The following DSP variants were observed in gnomAD, a reference collection of about 807,000 sequenced individuals.
DSP encodes the protein 250/210 kDa paraneoplastic pemphigus antigen.
A neutral mutation model predicts 290.6 loss-of-function variants in DSP; 114 were observed. That is an observed-to-expected ratio of 0.39 (90% CI 0.34 to 0.46). The LOEUF (loss-of-function observed/expected upper bound fraction) is 0.46, where lower values mean the gene tolerates loss of function less well. Ranked by LOEUF, DSP falls within the 20% of genes least tolerant of loss-of-function variation. DSP has a pLI of 0.99. For missense variants in DSP, 3,230 were observed against 3,495.8 expected, an observed-to-expected ratio of 0.92 and a Z score of 1.92; for synonymous variants, 1,311 against 1,316.4, an observed-to-expected ratio of 1.00 and a Z score of 0.09.
At chr6:7,546,227 G>A (rs1172288589) in intron 1 of DSP, among the ~76,000 whole-genome samples, 2 of 152,186 alleles carry the variant, frequency 1.3e-5, no homozygotes, top group Non-Finnish European at 2.9e-5. Flanking sequence ...CTAAGAATTG[G>A]ATGCGAGAGA....
At position 7,585,407 on chromosome 6, in the gene DSP, A is replaced by C. The variant is rs1383711209; in HGVS notation, c.8145A>C (p.Glu2715Asp). Reference protein sequence around the residue: ...KKMSAAEAVKEKWLPYEAGQR... With the variant: ...KKMSAAEAVKDKWLPYEAGQR... ...TGTCAGCAGCAGAGGCAGTGAAAGA[A>C]AAATGGCTCCCGTATGAGGCTGGCC... Residue 2715 changes from glutamate to aspartate, a missense_variant, in exon 24 of 24, where the codon GAA becomes GAC. Around this residue, in one of 5 missense-constraint regions of DSP, gnomAD observed 582 missense variants for 555.4 expected, o/e 1.05. Transcript: ENST00000379802. 6.2e-7 allele frequency: 1 copy of C among 1,614,168 alleles called. No individual in the cohort carries two copies. Among genetic ancestry groups the C allele is most frequent in the East Asian group, 2.2e-5 (1 of 44,874 alleles).
chr6:7,580,845 A>C lies in DSP; in HGVS notation c.4655A>C (p.Lys1552Thr). 1 of 1,614,184 alleles carries C rather than the reference A, an allele frequency of 6.2e-7. No homozygotes were observed. The change falls in exon 23 of 24, where the codon AAG (lysine) becomes ACG (threonine). Residue 1552 changes from lysine to threonine, a missense_variant. By Grantham distance (78) the Lys-to-Thr change is moderately conservative. Coordinates refer to ENST00000379802, the MANE Select transcript of DSP (RefSeq NM_004415.4). The surrounding 1 kb of genome is among the most constrained non-coding windows in gnomAD (Gnocchi z 4.2). ...AGGGTTTCCCAGGAGAGGACTGTGA[A>C]GGACCAGGATATCACGCGGTTCCAG... ...YERVSQERTV[K>T]DQDITRFQNS...
intron 1 of DSP, among the ~76,000 whole-genome samples, chr6:7,542,863 G>T (rs1758045926): frequency 6.6e-6 from 1 of 150,456 alleles, no homozygotes; most frequent in South Asian, 2.1e-4. Flanking sequence ...AACACCGGAT[G>T]AAAGACCCCA....
intron 1 of DSP, among the ~76,000 whole-genome samples, chr6:7,548,999 G>A (rs894668339): frequency 6.6e-6 from 1 of 152,176 alleles, no homozygotes; most frequent in Non-Finnish European, 1.5e-5. Context: ...GGAGCAGGTA[G>A]CCAGGTGTGT....
Position 7,567,359 on chromosome 6 carries a change from T to C in DSP, c.1050T>C (p.Tyr350=). 6.2e-7 allele frequency: 1 copy of C among 1,613,924 alleles called. No homozygotes were observed. Among genetic ancestry groups the C allele is most frequent in the Non-Finnish European group, 8.5e-7 (1 of 1,179,896 alleles). ...CTGACATTTTCTTGTTTCAGGCCTA[T>C]ATGGACACTCTGCAGACGCAGTGGA... The part of the protein sequence containing the change: ...QHPASDKIEA[Y]MDTLQTQWSW... The change falls in exon 9 of 24, where the codon TAT becomes TAC. Residue 350 remains tyrosine (Y), a synonymous_variant. Transcript: ENST00000379802.
rs575500518 is a variant in DSP at position 7,553,380 on chromosome 6, G to C, written c.171-2338G>C. ...TCTTTCATTTATCTGCTTGGGACTG[G>C]CATTCTTTGTGGGAATCACCTTCGG... is the stretch of plus-strand genomic sequence containing the variant. On this transcript the variant is annotated intron_variant, in intron 1 of 23. Coordinates refer to ENST00000379802, the MANE Select transcript of DSP (RefSeq NM_004415.4). Among the ~76,000 whole-genome samples, 24 of 152,282 alleles carry C rather than the reference G, an allele frequency of 1.6e-4. No individual in the cohort carries two copies. In the South Asian group the frequency reaches 5.0e-3, roughly 32 times the overall value.
At chr6:7,568,380 C>T (rs1758926098) in intron 10 of DSP, 57 bp from the exon 11 acceptor site, 2 of 1,591,306 alleles carry the variant, frequency 1.3e-6, no homozygotes, top group South Asian at 1.1e-5. Context: ...GGTTGAAAAT[C>T]TCCTCTAAAA....
At chr6:7,552,911 G>T (rs1474526486) in intron 1 of DSP, among the ~76,000 whole-genome samples, 1 of 152,178 alleles carries the variant, frequency 6.6e-6, no homozygotes, top group African/African-American at 2.4e-5. Context: ...TGGGTAAAAA[G>T]AAGTTGGCAA....
rs1759492981 is a variant in DSP, at chr6:7,582,961, A to G, written c.5699A>G (p.Glu1900Gly). 4 of 1,614,098 alleles carry G rather than the reference A, an allele frequency of 2.5e-6. No individual in the cohort carries two copies. The highest frequency in any genetic ancestry group is 2.5e-6 in the Non-Finnish European group (3 of 1,180,030). The change falls in exon 24 of 24, where the codon GAA (glutamate) becomes GGA (glycine). Residue 1900 changes from glutamate (E) to glycine (G), a missense_variant. This residue lies in a region of DSP where 1,714 missense variants were observed against 1,844.5 expected (regional missense o/e 0.93). Transcript: ENST00000379802. The surrounding 1 kb of genome is among the most constrained non-coding windows in gnomAD (Gnocchi z 4.2). ...AAGAACAGTCTTAGGAGTGAGATCG[A>G]AAGACTCCAAGCAGAGATCAAGAGA... Reference protein sequence around the residue: ...REKNSLRSEIERLQAEIKRIE... With the variant: ...REKNSLRSEIGRLQAEIKRIE...
Position 7,571,966 on chromosome 6 carries a change from C to G in DSP, c.2028C>G (p.Arg676=). The change falls in exon 15 of 24, where the codon CGC becomes CGG. Residue 676 remains arginine (R), a synonymous_variant. Transcript: ENST00000379802. ...TGCTGATGGAGCTGCAGAAGATTCG[C>G]AGGCAGATAGAGCACTGCGAGGGCA... ...TWMLMELQKI[R]RQIEHCEGRM... 1 of 1,614,170 alleles carries G rather than the reference C, an allele frequency of 6.2e-7. No individual in the cohort carries two copies. Among genetic ancestry groups the G allele is most frequent in the African/African-American group, 1.3e-5 (1 of 75,036 alleles).
rs199818953 is a variant in DSP, at chr6:7,580,591, A to G, written c.4401A>G (p.Gln1467=). The G allele has an allele frequency of 3.5e-5, 57 of 1,614,124 alleles. 1 individual carries two copies. In the East Asian group the frequency reaches 1.0e-3, roughly 28 times the overall value. ...CAGAGGAGAGCGTAAGATATAAGCA[A>G]TCTCTTGATGATGCTGCCAAAACCA... The part of the protein sequence containing the change: ...MRTEESVRYK[Q]SLDDAAKTIQ... Residue 1467 remains glutamine (Q), a synonymous_variant, in exon 23 of 24, where the codon CAA becomes CAG. Transcript: ENST00000379802. The surrounding 1 kb of genome is among the most constrained non-coding windows in gnomAD (Gnocchi z 4.2).
chr6:7,580,434 C>T lies in DSP; in HGVS notation c.4244C>T (p.Thr1415Ile). 1 of 1,613,988 alleles carries T rather than the reference C, an allele frequency of 6.2e-7. No individual in the cohort carries two copies. Among genetic ancestry groups the T allele is most frequent in the Non-Finnish European group, 8.5e-7 (1 of 1,180,012 alleles). The change falls in exon 23 of 24, where the codon ACT (threonine) becomes ATT (isoleucine). Residue 1415 changes from threonine (T) to isoleucine (I), a missense_variant. Physicochemically the swap from Thr to Ile is moderately conservative, Grantham distance 89 (BLOSUM62 -1). This residue lies in a region of DSP where 1,714 missense variants were observed against 1,844.5 expected (regional missense o/e 0.93). Transcript: ENST00000379802. This position sits in a 1 kb window ranked among gnomAD's most constrained non-coding sequence, Gnocchi z 4.2. ...LSEEIKRLKN[T>I]LTQTTENLRR... ...GAAGAAATAAAGAGGCTGAAGAACA[C>T]TCTAACCCAGACCACAGAGAATCTC...
chr6:7,583,269 G>A lies in DSP; in HGVS notation c.6007G>A (p.Glu2003Lys). 1 of 1,614,246 alleles carries A rather than the reference G, an allele frequency of 6.2e-7. No individual in the cohort carries two copies. Residue 2003 changes from glutamate to lysine, a missense_variant, in exon 24 of 24, where the codon GAA becomes AAA. Glu to Lys is a moderately conservative substitution (Grantham distance 56). This residue lies in a region of DSP where 1,714 missense variants were observed against 1,844.5 expected (regional missense o/e 0.93). Transcript: ENST00000379802. This position sits in a 1 kb window ranked among gnomAD's most constrained non-coding sequence, Gnocchi z 4.0. ...ATTGAAGGGGAAGAAGTCAGTGGAA[G>A]AAGTTGCTTCTGAAATCCAGCCATT... Reference protein sequence around the residue: ...KLLKGKKSVEEVASEIQPFLR... With the variant: ...KLLKGKKSVEKVASEIQPFLR...
At chr6:7,543,506 A>C (rs1487614670) in intron 1 of DSP, among the ~76,000 whole-genome samples, 2 of 151,158 alleles carry the variant, frequency 1.3e-5, no homozygotes, top group Non-Finnish European at 2.9e-5. Flanking sequence ...GCCAAGCAAT[A>C]GAAGGAATGA....
chr6:7,565,907 C>A lies in DSP; in HGVS notation c.939+387C>A. On this transcript the variant is annotated intron_variant, in intron 7 of 23. Transcript: ENST00000379802. This position sits in a 1 kb window ranked among gnomAD's most constrained non-coding sequence, Gnocchi z 4.2. ...GGCTTAATCGTGGGTGATGAAATAA[C>A]CTGTACAACAAATCCCTGTGATACA... The A allele has an allele frequency of 2.9e-6, 1 of 344,064 alleles. No homozygotes were observed. The highest frequency in any genetic ancestry group is 2.1e-5 in the African/African-American group (1 of 47,354). 21.3% of individuals were successfully genotyped at this position (344,064 alleles called of 1,614,324 possible). A position where few individuals can be genotyped will look rare whatever the true frequency, so the allele number is the denominator to read the frequency against.
At position 7,576,945 on chromosome 6, in the gene DSP, C is replaced by T. The variant is rs1759257961; in HGVS notation, c.2794-14C>T. ...TATGCATTAACATTGGTAAATATTT[C>T]ACTTTTTGTATAGAACTTGCACAGT... On this transcript the variant is annotated splice_polypyrimidine_tract_variant and intron_variant, in intron 19 of 23. Transcript: ENST00000379802. 1 of 1,608,580 alleles carries T rather than the reference C, an allele frequency of 6.2e-7. No homozygotes were observed. Among genetic ancestry groups the T allele is most frequent in the Admixed American group, 1.7e-5 (1 of 59,888 alleles).
chr6:7,564,943 G>A (rs946063891), intron 6 of DSP, among the ~76,000 whole-genome samples: 6 of 152,108 alleles, frequency 3.9e-5, no homozygotes, highest in Non-Finnish European at 7.3e-5. Flanking sequence ...TTGGGAGTTC[G>A]AGACCAGCCT....
rs563272509 is a variant in DSP, at chr6:7,585,040, T to G, written c.7778T>G (p.Ile2593Ser). 3.3e-5 allele frequency: 54 copies of G among 1,614,058 alleles called. No individual in the cohort carries two copies. Among genetic ancestry groups the G allele is most frequent in the Non-Finnish European group, 4.2e-5 (50 of 1,180,040 alleles). The change falls in exon 24 of 24, where the codon ATT (isoleucine) becomes AGT (serine). Residue 2593 changes from isoleucine to serine, a missense_variant. Ile to Ser is a moderately radical substitution (Grantham distance 142). This residue lies in a region of DSP where 582 missense variants were observed against 555.4 expected (regional missense o/e 1.05). Coordinates refer to ENST00000379802, the MANE Select transcript of DSP (RefSeq NM_004415.4). ...TCCCGACATGAATCAGTAAGTAAGA[T>G]TTCCACCATATCCAGCGTCAGGAAT... ...SSSRHESVSK[I>S]STISSVRNLT... is the part of the protein sequence containing the mutation.
chr6:7,550,626 T>TA lies in DSP; in HGVS notation c.171-5083dup, dbSNP rs200635304. ...GTTTAAACAAGTTTTAGGATGAACTTAAAAAAAAAGTATGTGCAGGTAGGT... is the reference window on the plus strand; with the variant it reads ...GTTTAAACAAGTTTTAGGATGAACTTAAAAAAAAAAGTATGTGCAGGTAGGT... On this transcript the variant is annotated intron_variant, in intron 1 of 23. Transcript: ENST00000379802. Among the ~76,000 whole-genome samples, 990 of 151,010 alleles carry TA rather than the reference T, an allele frequency of 6.6e-3. 10 individuals carry two copies. Among genetic ancestry groups the TA allele is most frequent in the African/African-American group, 0.022 (920 of 41,214 alleles).
Sources: gnomAD v4.1 joint callset for allele counts (sites outside exome capture counted in the v4.1 genomes callset) on GRCh38, gnomAD v4.1.1 for gene constraint, gnomAD v4.1.1 regional missense constraint, Gnocchi (gnomAD v3.1) non-coding constraint, MANE v1.5 for transcripts, NCBI Gene and HGNC (gene_info 2026-07-23, HGNC 2026-07-21) for gene names.